The following MCPH1 variants were observed in gnomAD, a reference collection of about 807,000 sequenced individuals.
MCPH1 encodes the protein microcephalin 1, also known as microcephalin.
MCPH1 carries 104 observed loss-of-function variants against 84.5 expected under a neutral mutation model. The ratio of observed to expected loss-of-function variants is 1.23; its 90% CI spans 1.05 to 1.45. MCPH1 has a LOEUF of 1.45. Ranked by LOEUF, MCPH1 falls within the 40% of genes most tolerant of loss-of-function variation. MCPH1 has a pLI of 0.00. For missense variants in MCPH1, 1,498 were observed against 1,005.7 expected, an observed-to-expected ratio of 1.49 and a Z score of -6.62; for synonymous variants, 514 against 366.8, an observed-to-expected ratio of 1.40 and a Z score of -4.58.
chr8:6,476,479 T>A (rs1359596894), intron 9 of MCPH1, among the ~76,000 whole-genome samples: 1 of 150,826 alleles, frequency 6.6e-6, no homozygotes, highest in African/African-American at 2.4e-5. Context: ...AGACCAAACT[T>A]AAAAGCAGAA....
At chr8:6,618,797 A>T (rs1586822972) in intron 12 of MCPH1, 1 of 152,146 alleles carries the variant, frequency 6.6e-6, no homozygotes, top group African/African-American at 2.4e-5. Context: ...TTTTTCTGAC[A>T]TGAAAAGAAC....
At chr8:6,429,086 C>A (rs958595307) in intron 3 of MCPH1, among the ~76,000 whole-genome samples, 3 of 152,212 alleles carry the variant, frequency 2.0e-5, no homozygotes, top group East Asian at 1.9e-4. Context: ...CAGGCTCTTT[C>A]CACTCTTGAT....
intron 11 of MCPH1, among the ~76,000 whole-genome samples, chr8:6,490,582 G>T (rs916893579): frequency 6.6e-6 from 1 of 152,120 alleles, no homozygotes. Flanking sequence ...GGAAACTGTT[G>T]TACTTTTTTC....
At chr8:6,585,534 G>A (rs1225254543) in intron 12 of MCPH1, among the ~76,000 whole-genome samples, 2 of 152,240 alleles carry the variant, frequency 1.3e-5, no homozygotes, top group African/African-American at 2.4e-5. Flanking sequence ...GGCTTCTCCA[G>A]CCCTCCTCCC....
At position 6,645,720 on chromosome 8, in the gene MCPH1, T is replaced by TTA. The variant is rs1321882844; in HGVS notation, c.*2678_*2679dup. The stretch of plus-strand genomic sequence containing the variant: ...ATATACAAACCTAACAGAATTGTAT[T>TTA]TATATATACTGTCAATAAGCAATTC... On this transcript the variant is annotated 3_prime_UTR_variant, in exon 14 of 14. Transcript: ENST00000344683. The TTA allele has an allele frequency of 6.6e-6, 1 of 151,918 alleles. No homozygotes were observed. Among genetic ancestry groups the TTA allele is most frequent in the East Asian group, 1.9e-4 (1 of 5,192 alleles). The allele number at this position is 151,918 out of a possible 1,614,324, so 9.4% of individuals were successfully genotyped here.
rs573020857 is a variant in MCPH1 at position 6,628,958 on chromosome 8, A to G, written c.2452+7267A>G. On this transcript the variant is annotated intron_variant, in intron 13 of 13. Coordinates refer to ENST00000344683, the MANE Select transcript of MCPH1 (RefSeq NM_024596.5). ...AACTTGTGTTTCTTTTTGTTGTTGC[A>G]TATTAGACAGTCAGTGTTGAAACTA... Among the ~76,000 whole-genome samples the G allele has an allele frequency of 1.2e-3, 178 of 152,286 alleles. 4 individuals are homozygous for G. The South Asian group carries it at 0.036, about 31-fold the overall frequency.
At chr8:6,503,056 T>A (rs1378304857) in intron 12 of MCPH1, 2 of 1,609,690 alleles carry the variant, frequency 1.2e-6, no homozygotes, top group Admixed American at 1.7e-5. Context: ...TGGGCTTAAG[T>A]CTTTGAAAAT....
intron 9 of MCPH1, chr8:6,474,075 T>C: frequency 1.3e-6 from 1 of 790,802 alleles, no homozygotes; most frequent in Non-Finnish European, 2.3e-6. Flanking sequence ...GCATCTATTC[T>C]CAACACAAAA....
intron 12 of MCPH1, chr8:6,527,410 C>T: frequency 1.0e-6 from 1 of 960,448 alleles, no homozygotes; most frequent in Non-Finnish European, 1.5e-6. Flanking sequence ...TCCAAGCCCT[C>T]TCCCTTCTCC....
At chr8:6,448,674 G>C (rs568248045) in intron 8 of MCPH1, among the ~76,000 whole-genome samples, 1 of 152,258 alleles carries the variant, frequency 6.6e-6, no homozygotes, top group South Asian at 2.1e-4. Flanking sequence ...TATTTTAAGA[G>C]AATTTTTTGC....
intron 13 of MCPH1, among the ~76,000 whole-genome samples, chr8:6,622,729 CTT>C (rs1831593911): frequency 6.6e-6 from 1 of 152,228 alleles, no homozygotes; most frequent in African/African-American, 2.4e-5. Context: ...CTCACGTGGC[CTT>C]TCCTCCATGC....
intron 9 of MCPH1, 102 bp downstream of exon 9, chr8:6,455,354 T>C: frequency 1.1e-6 from 1 of 882,234 alleles, no homozygotes; most frequent in Non-Finnish European, 1.8e-6. Context: ...GACTTGTCTT[T>C]TATTCTAAAA....
intron 12 of MCPH1, chr8:6,520,071 G>A (rs1375711555): frequency 6.5e-6 from 10 of 1,532,336 alleles, no homozygotes; most frequent in Non-Finnish European, 8.9e-6. Flanking sequence ...CCAATCATTT[G>A]GTGAGTTTTA....
At chr8:6,444,046 A>G (rs922583874) in intron 7 of MCPH1, among the ~76,000 whole-genome samples, 1 of 152,184 alleles carries the variant, frequency 6.6e-6, no homozygotes, top group African/African-American at 2.4e-5. Flanking sequence ...AGTAGTTCTT[A>G]GGTTTTAGAA....
intron 9 of MCPH1, among the ~76,000 whole-genome samples, chr8:6,467,666 G>C (rs77491295): frequency 0.014 from 2,181 of 152,252 alleles, 56 homozygotes; most frequent in African/African-American, 0.051. Flanking sequence ...CGAGATCATA[G>C]CTCACTGCAG....
chr8:6,515,428 A>C (rs928213493), intron 12 of MCPH1, among the ~76,000 whole-genome samples: 1 of 152,190 alleles, frequency 6.6e-6, no homozygotes, highest in Non-Finnish European at 1.5e-5. Flanking sequence ...CTTGGCCTCA[A>C]GGGCATGACT....
intron 12 of MCPH1, among the ~76,000 whole-genome samples, chr8:6,605,493 A>G (rs1418676055): frequency 6.6e-6 from 1 of 152,192 alleles, no homozygotes; most frequent in Non-Finnish European, 1.5e-5. Flanking sequence ...AACGAACAAT[A>G]TGTCCTTAAA....
chr8:6,505,090 A>T (rs904565528), intron 12 of MCPH1, among the ~76,000 whole-genome samples: 1 of 120,310 alleles, frequency 8.3e-6, no homozygotes, highest in Non-Finnish European at 1.9e-5. Context: ...CCTCGACCCA[A>T]GCGTCAGGTA....
At chr8:6,575,048 G>A (rs1174923620) in intron 12 of MCPH1, among the ~76,000 whole-genome samples, 1 of 152,148 alleles carries the variant, frequency 6.6e-6, no homozygotes, top group African/African-American at 2.4e-5. Context: ...TCAAGGGCTC[G>A]GAAGGGGAGA....
Sources: gnomAD v4.1 joint callset for allele counts (sites outside exome capture counted in the v4.1 genomes callset) on GRCh38, gnomAD v4.1.1 for gene constraint, MANE v1.5 for transcripts, NCBI Gene and HGNC (gene_info 2026-07-23, HGNC 2026-07-21) for gene names.